Variants in ALG14 observed in about 807,000 individuals in gnomAD.
The protein encoded by ALG14 is UDP-N-acetylglucosamine transferase subunit ALG14.
A neutral mutation model predicts 22.8 loss-of-function variants in ALG14; 17 were observed. The ratio of observed to expected loss-of-function variants is 0.75; its 90% CI spans 0.51 to 1.12. The LOEUF is 1.12. ALG14 is among the 50% of genes most tolerant of loss of function. The pLI, the probability that ALG14 is intolerant of heterozygous loss-of-function variation, is 0.00. For synonymous variants in ALG14, 89 were observed against 103.7 expected, an observed-to-expected ratio of 0.86 and a Z score of 0.86; for missense variants, 288 against 271.8, an observed-to-expected ratio of 1.06 and a Z score of -0.42.
intron 2 of ALG14, among the ~76,000 whole-genome samples, chr1:95,039,143 C>T (rs1041693764): frequency 4.6e-5 from 7 of 152,026 alleles, no homozygotes; most frequent in Non-Finnish European, 8.8e-5. Flanking sequence ...GGTCTTCTTG[C>T]CAGAGGAAGC....
At chr1:95,072,724 G>A (rs780660432) in intron 1 of ALG14, 39 bp downstream of exon 1, 1 of 1,608,822 alleles carries the variant, frequency 6.2e-7, no homozygotes, top group Non-Finnish European at 8.5e-7. Context: ...GGTTTGTAGT[G>A]ACCAACCCAA....
chr1:95,072,578 G>C (rs760629144), intron 1 of ALG14, among the ~76,000 whole-genome samples, 185 bp downstream of exon 1: 11 of 152,140 alleles, frequency 7.2e-5, no homozygotes, highest in Non-Finnish European at 1.2e-4. Context: ...AAAAACCTCT[G>C]GGCCGCGTCA....
Position 94,974,751 on chromosome 1 carries a change from A to T in ALG14, c.*8325T>A, listed in dbSNP as rs1672362695. 6.6e-6 allele frequency: 1 copy of T among 152,240 alleles called. No individual in the cohort carries two copies. The highest frequency in any genetic ancestry group is 2.1e-4 in the South Asian group (1 of 4,836). The allele number at this position is 152,240 out of a possible 1,614,324, so 9.4% of individuals were successfully genotyped here. On this transcript the variant is annotated 3_prime_UTR_variant, in exon 4 of 4. Transcript: ENST00000370205. ...ATTACCTATTGCTTTGTGACAAATTATTCCAAAACTTCGTGGTGGAAAACT... is the reference window on the plus strand; with the variant it reads ...ATTACCTATTGCTTTGTGACAAATTTTTCCAAAACTTCGTGGTGGAAAACT...
intron 3 of ALG14, among the ~76,000 whole-genome samples, chr1:95,018,504 C>A (rs1037042564): frequency 3.3e-5 from 5 of 151,804 alleles, no homozygotes; most frequent in African/African-American, 1.2e-4. Flanking sequence ...TCAATGCACT[C>A]CAGCCTGGGT....
chr1:95,038,307 A>T (rs1050057281), intron 2 of ALG14, among the ~76,000 whole-genome samples: 1 of 152,138 alleles, frequency 6.6e-6, no homozygotes, highest in East Asian at 1.9e-4. Flanking sequence ...TGGCCAACAT[A>T]GTAAAACCTT....
In ALG14 at chr1:94,976,138, A is replaced by AAAC. The variant is rs1201524718; in HGVS notation, c.*6935_*6937dup. ...CTTACTATTTAGCAGGCTCTGTGCT[A>AAAC]AACACTGTACATACATCATCTGAAT... On this transcript the variant is annotated 3_prime_UTR_variant, in exon 4 of 4. Coordinates refer to ENST00000370205, the MANE Select transcript of ALG14 (RefSeq NM_144988.4). 6.6e-6 allele frequency: 1 copy of AAAC among 152,052 alleles called. No homozygotes were observed. 9.4% of individuals were successfully genotyped at this position (152,052 alleles called of 1,614,324 possible). A position where few individuals can be genotyped will look rare whatever the true frequency, so the allele number is the denominator to read the frequency against.
intron 3 of ALG14, among the ~76,000 whole-genome samples, chr1:94,993,177 G>GT (rs1307669225): frequency 1.3e-5 from 2 of 149,004 alleles, no homozygotes; most frequent in African/African-American, 2.5e-5. Context: ...ATCACTTGGA[G>GT]TAGACTGGGC....
rs536946153 is a variant in ALG14, at chr1:95,054,197, C to T, written c.288+10669G>A. 3.4e-4 allele frequency among the ~76,000 whole-genome samples: 52 copies of T among 152,276 alleles called. No individual in the cohort carries two copies. In the South Asian group the frequency reaches 6.0e-3, roughly 18 times the overall value. ...TCTGTGTCCCCACCAAATCTCATGT[C>T]GAATTGTAATCCTCAGTGTTGAAGG... On this transcript the variant is annotated intron_variant, in intron 2 of 3. Transcript: ENST00000370205.
At chr1:95,043,774 G>A (rs1006180139) in intron 2 of ALG14, among the ~76,000 whole-genome samples, 2 of 151,806 alleles carry the variant, frequency 1.3e-5, no homozygotes, top group African/African-American at 2.4e-5. Flanking sequence ...GAGAAGGAGC[G>A]AGGAGGGGGA....
At chr1:95,053,035 G>A (rs1674805099) in intron 2 of ALG14, among the ~76,000 whole-genome samples, 1 of 151,990 alleles carries the variant, frequency 6.6e-6, no homozygotes, top group Non-Finnish European at 1.5e-5. Context: ...TAAAATAGGA[G>A]AAAGAAATCT....
intron 2 of ALG14, chr1:95,036,008 A>T (rs1198037112): frequency 1.3e-5 from 2 of 152,228 alleles, no homozygotes; most frequent in East Asian, 3.8e-4. Flanking sequence ...GGTTCAACTA[A>T]TCATTATGAA....
At chr1:95,065,720 C>T (rs1675337504) in intron 1 of ALG14, among the ~76,000 whole-genome samples, 1 of 152,302 alleles carries the variant, frequency 6.6e-6, no homozygotes, top group South Asian at 2.1e-4. Context: ...CTTTTGTTCA[C>T]CACTGTAACC....
At chr1:95,032,522 T>C (rs984228726) in intron 2 of ALG14, among the ~76,000 whole-genome samples, 1 of 152,052 alleles carries the variant, frequency 6.6e-6, no homozygotes, top group African/African-American at 2.4e-5. Context: ...CCTAACATGT[T>C]CTAGGTGAAA....
chr1:95,030,808 T>C (rs1673976723), intron 2 of ALG14, among the ~76,000 whole-genome samples: 1 of 152,192 alleles, frequency 6.6e-6, no homozygotes, highest in Non-Finnish European at 1.5e-5. Flanking sequence ...GGCAGCAGCC[T>C]GGAGCAGCTA....
chr1:95,051,245 T>G (rs534942954), intron 2 of ALG14, among the ~76,000 whole-genome samples: 60 of 152,136 alleles, frequency 3.9e-4, no homozygotes, highest in Admixed American at 1.2e-3. Flanking sequence ...AAGTGGCAAC[T>G]CCATTCTTCC....
intron 3 of ALG14, among the ~76,000 whole-genome samples, chr1:95,017,359 A>G (rs920313686): frequency 6.6e-6 from 1 of 150,626 alleles, no homozygotes; most frequent in Admixed American, 6.6e-5. Context: ...CTGTGCTAGG[A>G]AAAAAAAATG....
intron 2 of ALG14, among the ~76,000 whole-genome samples, chr1:95,043,766 GA>G (rs1056041717): frequency 6.6e-6 from 1 of 151,948 alleles, no homozygotes; most frequent in Non-Finnish European, 1.5e-5. Flanking sequence ...AAGGAAAGGA[GA>G]AGGAGCGAGG....
In ALG14 at chr1:95,059,409, A is replaced by AC. The variant is rs1453880610; in HGVS notation, c.288+5456_288+5457insG. ...TGAGACTCTGTCTCAAAAAAAAAAA[A>AC]AAAAAAAAAAACATATTATTCTTGT... is the stretch of plus-strand genomic sequence containing the variant. On this transcript the variant is annotated intron_variant, in intron 2 of 3. Coordinates refer to ENST00000370205, the MANE Select transcript of ALG14 (RefSeq NM_144988.4). Among the ~76,000 whole-genome samples, 269 of 119,996 alleles carry AC rather than the reference A, an allele frequency of 2.2e-3. 4 individuals are homozygous for AC. Among genetic ancestry groups the AC allele is most frequent in the African/African-American group, 6.5e-3 (252 of 38,742 alleles). The allele number at this position is 119,996 out of a possible 152,430, so 78.7% of individuals were successfully genotyped here.
intron 3 of ALG14, among the ~76,000 whole-genome samples, chr1:94,992,600 A>T (rs1436515690): frequency 6.6e-6 from 1 of 152,002 alleles, no homozygotes; most frequent in Non-Finnish European, 1.5e-5. Flanking sequence ...AGCTAAATAG[A>T]AATGTTATAC....
Sources: gnomAD v4.1 joint callset for allele counts (sites outside exome capture counted in the v4.1 genomes callset) on GRCh38, gnomAD v4.1.1 for gene constraint, MANE v1.5 for transcripts, NCBI Gene and HGNC (gene_info 2026-07-23, HGNC 2026-07-21) for gene names.